LRRC37A2: variants seen among roughly 807,000 people sequenced by gnomAD.
LRRC37A2 encodes leucine-rich repeat-containing protein 37A2.
LRRC37A2 carries 9 observed loss-of-function variants against 68.8 expected under a neutral mutation model. That is an observed-to-expected ratio of 0.13 (90% CI 0.08 to 0.23). LRRC37A2 has a LOEUF of 0.23. Among genes scored for constraint, LRRC37A2 ranks in the 10% least tolerant of loss-of-function variants. LRRC37A2 has a pLI of 1.00. For synonymous variants in LRRC37A2, 63 were observed against 367.6 expected, an observed-to-expected ratio of 0.17 and a Z score of 9.48; for missense variants, 168 against 950.4, an observed-to-expected ratio of 0.18 and a Z score of 10.82.
At chr17:46,900,538 C>T in the LRRC37A2 span, among the ~76,000 whole-genome samples, 4 of 152,212 alleles carry the variant, frequency 2.6e-5, no homozygotes, top group Non-Finnish European at 5.9e-5. Context: ...GCGTAAGCCA[C>T]GGTGCCTGGC....
At chr17:46,879,525 A>G in the LRRC37A2 span, among the ~76,000 whole-genome samples, 5 of 152,222 alleles carry the variant, frequency 3.3e-5, no homozygotes, top group African/African-American at 4.8e-5. Flanking sequence ...CTATTTAGAA[A>G]CAAAAACTTT....
At chr17:46,889,685 C>G in the LRRC37A2 span, among the ~76,000 whole-genome samples, 16 of 152,194 alleles carry the variant, frequency 1.1e-4, no homozygotes, top group African/African-American at 3.4e-4. Flanking sequence ...CCCTCACCCT[C>G]CTTGCCACAG....
the LRRC37A2 span, among the ~76,000 whole-genome samples, chr17:46,770,273 G>T: frequency 1.3e-5 from 2 of 152,234 alleles, no homozygotes; most frequent in African/African-American, 4.8e-5. Flanking sequence ...CTGGGCTGCT[G>T]ATTAGCTCAG....
chr17:46,872,812 A>G, the LRRC37A2 span: 1 of 1,490,452 alleles, frequency 6.7e-7, no homozygotes, highest in South Asian at 1.2e-5. Context: ...GGCTGGGGGA[A>G]GAAGCCTTCA....
the LRRC37A2 span, among the ~76,000 whole-genome samples, chr17:46,388,394 CAAAAAAA>C: frequency 2.2e-5 from 1 of 44,670 alleles, no homozygotes; most frequent in African/African-American, 6.7e-5. Context: ...ACTAAAAATA[CAAAAAAA>C]AAAAAAAAAA....
intron 6 of LRRC37A2, among the ~76,000 whole-genome samples, chr17:46,535,002 A>G (rs1239873681): frequency 1.3e-5 from 2 of 150,158 alleles, no homozygotes; most frequent in Non-Finnish European, 2.9e-5. Flanking sequence ...CTCACCTCCC[A>G]GACAGGGTCG....
intron 6 of LRRC37A2, among the ~76,000 whole-genome samples, chr17:46,529,143 A>G (rs2053264264): frequency 7.3e-6 from 1 of 136,478 alleles, no homozygotes; most frequent in South Asian, 2.3e-4. Flanking sequence ...TCCTCAGTTA[A>G]TAGAAAGGAA....
the LRRC37A2 span, chr17:46,773,952 C>T: frequency 4.4e-6 from 7 of 1,598,648 alleles, no homozygotes; most frequent in Non-Finnish European, 6.0e-6. Flanking sequence ...GCACAAAGCA[C>T]AGAGCCCATC....
At chr17:46,709,587 C>A in the LRRC37A2 span, among the ~76,000 whole-genome samples, 1 of 151,786 alleles carries the variant, frequency 6.6e-6, no homozygotes, top group Non-Finnish European at 1.5e-5. Flanking sequence ...CTCCGCCTCC[C>A]GGGTTCAAGC....
chr17:46,845,183 A>G, the LRRC37A2 span, among the ~76,000 whole-genome samples: 1 of 151,962 alleles, frequency 6.6e-6, no homozygotes, highest in Non-Finnish European at 1.5e-5. Context: ...ATCCATAGCT[A>G]TGTCCTGTGT....
chr17:46,609,827 C>CT, the LRRC37A2 span, among the ~76,000 whole-genome samples: 36,910 of 123,190 alleles, frequency 0.3, 3,243 homozygotes, highest in African/African-American at 0.37. Context: ...CTCACTGTTT[C>CT]TTTTTTTTTT....
At chr17:47,000,013 TAAAA>T in the LRRC37A2 span, among the ~76,000 whole-genome samples, 5 of 13,142 alleles carry the variant, frequency 3.8e-4, no homozygotes, top group African/African-American at 6.1e-4. Flanking sequence ...TAAAATAAAA[TAAAA>T]TAAAATAAAA....
the LRRC37A2 span, among the ~76,000 whole-genome samples, chr17:46,760,206 G>C: frequency 6.6e-6 from 1 of 152,186 alleles, no homozygotes; most frequent in South Asian, 2.1e-4. Context: ...GCTGTGTTGA[G>C]CCATGATCAT....
the LRRC37A2 span, among the ~76,000 whole-genome samples, chr17:46,479,577 C>T: frequency 3.0e-5 from 3 of 100,916 alleles, no homozygotes; most frequent in South Asian, 4.6e-4. Flanking sequence ...GCACAGTCTT[C>T]GCTCACTGCA....
the LRRC37A2 span, among the ~76,000 whole-genome samples, chr17:47,007,128 A>G: frequency 6.6e-6 from 1 of 152,116 alleles, no homozygotes; most frequent in Admixed American, 6.5e-5. Context: ...AATTTTACAG[A>G]AACCTGCTCT....
At chr17:46,865,588 G>A in the LRRC37A2 span, among the ~76,000 whole-genome samples, 1 of 152,094 alleles carries the variant, frequency 6.6e-6, no homozygotes, top group African/African-American at 2.4e-5. Context: ...GTCTGTGGGT[G>A]GACTGGGCAA....
chr17:46,960,491 C>T, the LRRC37A2 span, among the ~76,000 whole-genome samples: 61,159 of 152,114 alleles, frequency 0.4, 12,531 homozygotes, highest in South Asian at 0.48. Flanking sequence ...ACCCAGCAAT[C>T]TCATTTCTAG....
At chr17:46,496,712 C>G in the LRRC37A2 span, among the ~76,000 whole-genome samples, 1 of 131,938 alleles carries the variant, frequency 7.6e-6, no homozygotes, top group African/African-American at 2.9e-5. Context: ...GTCGGGAGTT[C>G]GAGACCAGCC....
chr17:47,030,118 C>A, the LRRC37A2 span, among the ~76,000 whole-genome samples: 19 of 129,406 alleles, frequency 1.5e-4, 2 homozygotes, highest in East Asian at 1.7e-3. Flanking sequence ...TCATCATCAT[C>A]ATCATCATCA....
Sources: allele counts gnomAD v4.1 joint callset (sites outside exome capture counted in the v4.1 genomes callset), GRCh38; gene constraint gnomAD v4.1.1; transcripts MANE v1.5; gene names NCBI Gene and HGNC (gene_info 2026-07-23, HGNC 2026-07-21).